The following LRP2 variants were observed in gnomAD, a reference collection of about 807,000 sequenced individuals.
The protein encoded by LRP2 is LDL receptor related protein 2.
A neutral mutation model predicts 531.0 loss-of-function variants in LRP2; 172 were observed. The ratio of observed to expected loss-of-function variants is 0.32; its 90% CI spans 0.29 to 0.37. The LOEUF is 0.37. Among genes scored for constraint, LRP2 ranks in the 10% least tolerant of loss-of-function variants. The probability of loss-of-function intolerance (pLI) is 1.00; values close to 1 mark genes in which losing one functional copy is unlikely to be tolerated. For synonymous variants in LRP2, 1,992 were observed against 2,027.6 expected, an observed-to-expected ratio of 0.98 and a Z score of 0.47; for missense variants, 5,167 against 5,868.3, an observed-to-expected ratio of 0.88 and a Z score of 3.90.
chr2:169,146,726 A>G lies in LRP2; in HGVS notation c.12811+13T>C, dbSNP rs1685927444. 1 of 1,578,882 alleles carries G rather than the reference A, an allele frequency of 6.3e-7. No individual in the cohort carries two copies. Among genetic ancestry groups the G allele is most frequent in the African/African-American group, 1.3e-5 (1 of 74,176 alleles). ...TATTAATTTAATATATTACTTTCTA[A>G]CTAATTTCTAACCTTCCTTTGCAAT... On this transcript the variant is annotated intron_variant, in intron 69 of 78. Transcript: ENST00000649046.
At chr2:169,285,419 C>T (rs748930316) in intron 9 of LRP2, among the ~76,000 whole-genome samples, 2 of 151,956 alleles carry the variant, frequency 1.3e-5, no homozygotes, top group Non-Finnish European at 2.9e-5. Context: ...AGAGTGAAGA[C>T]AAGAAAAATA....
At chr2:169,175,579 G>C (rs1687161750) in intron 54 of LRP2, among the ~76,000 whole-genome samples, 190 bp from the exon 55 acceptor site, 1 of 152,064 alleles carries the variant, frequency 6.6e-6, no homozygotes, top group African/African-American at 2.4e-5. Flanking sequence ...AGATAGAACA[G>C]GTTTCTTAAG....
intron 1 of LRP2, among the ~76,000 whole-genome samples, chr2:169,326,263 C>T (rs898676274): frequency 7.2e-4 from 106 of 146,480 alleles, no homozygotes; most frequent in Admixed American, 1.9e-3. Context: ...CCTCTGATGC[C>T]GAGCCGAAGC....
chr2:169,165,825 A>C, intron 62 of LRP2, 107 bp downstream of exon 62: 1 of 1,362,494 alleles, frequency 7.3e-7, no homozygotes. Context: ...ATCTGCAGTC[A>C]TGGGCACAAC....
In LRP2 at chr2:169,241,292, G is replaced by C. The variant is rs1317025300; in HGVS notation, c.3741C>G (p.Phe1247Leu). 1.2e-6 allele frequency: 2 copies of C among 1,614,182 alleles called. No homozygotes were observed. The highest frequency in any genetic ancestry group is 1.3e-5 in the African/African-American group (1 of 75,062). ...AGTCTGGATGCCCATCACATTCCCA[G>C]AAGTTCGGGATGCAGATACCATCTT... ...CQEDGICIPN[F>L]WECDGHPDCL... Residue 1247 changes from phenylalanine (F) to leucine (L), a missense_variant, in exon 25 of 79, where the codon TTC (phenylalanine) becomes TTG (leucine). Phe to Leu is a conservative substitution (Grantham distance 22). Coordinates refer to ENST00000649046, the MANE Select transcript of LRP2 (RefSeq NM_004525.3).
chr2:169,350,663 G>A (rs926276670), intron 1 of LRP2, among the ~76,000 whole-genome samples: 1 of 141,054 alleles, frequency 7.1e-6, no homozygotes, highest in African/African-American at 2.7e-5. Context: ...GGCAGAGGTT[G>A]CAGTGAGCCA....
intron 34 of LRP2, among the ~76,000 whole-genome samples, chr2:169,218,262 C>G (rs994541594): frequency 6.6e-6 from 1 of 152,050 alleles, no homozygotes; most frequent in African/African-American, 2.4e-5. Flanking sequence ...TTGAACAAAC[C>G]CTCAATTTTC....
Position 169,146,881 on chromosome 2 carries a change from C to T in LRP2, c.12669G>A (p.Leu4223=). 6.2e-7 allele frequency: 1 copy of T among 1,614,100 alleles called. No individual in the cohort carries two copies. The highest frequency in any genetic ancestry group is 8.5e-7 in the Non-Finnish European group (1 of 1,180,006). ...AWMNGEDRNI[L]VFEDLGWPTG... is the part of the protein sequence containing the mutation. Reference sequence around the variant, plus strand: ...TTGGCCAACCAAGGTCCTCGAAAACCAGGATGTTGCGGTCCTCTCCATTCA... The same window carrying T: ...TTGGCCAACCAAGGTCCTCGAAAACTAGGATGTTGCGGTCCTCTCCATTCA... Residue 4223 remains leucine, a synonymous_variant, in exon 69 of 79, where the codon CTG becomes CTA. Coordinates refer to ENST00000649046, the MANE Select transcript of LRP2 (RefSeq NM_004525.3).
chr2:169,301,785 C>A (rs1380606235), intron 4 of LRP2, among the ~76,000 whole-genome samples: 1 of 152,000 alleles, frequency 6.6e-6, no homozygotes. Flanking sequence ...AAAGGAATGC[C>A]CGGAATGGAC....
At chr2:169,326,949 C>A (rs1220289121) in intron 1 of LRP2, among the ~76,000 whole-genome samples, 1 of 150,906 alleles carries the variant, frequency 6.6e-6, no homozygotes, top group Non-Finnish European at 1.5e-5. Context: ...CCAGCCGCCC[C>A]GTCTGAGAAG....
At chr2:169,174,207 G>C (rs375687758) in intron 55 of LRP2, 43 bp from the exon 56 acceptor site, 2 of 1,613,220 alleles carry the variant, frequency 1.2e-6, no homozygotes, top group Admixed American at 3.3e-5. Context: ...AAGGCATCAA[G>C]AATGAAAGCT....
At chr2:169,144,515 C>T (rs138193446) in intron 70 of LRP2, among the ~76,000 whole-genome samples, 162 of 152,182 alleles carry the variant, frequency 1.1e-3, no homozygotes, top group African/African-American at 3.5e-3. Context: ...GGTCCAGAGG[C>T]GGTAGGGAGG....
chr2:169,282,790 A>C (rs1683741285), intron 10 of LRP2, 83 bp downstream of exon 10: 11 of 1,437,594 alleles, frequency 7.7e-6, no homozygotes, highest in Non-Finnish European at 1.1e-5. Flanking sequence ...AATGCTGATA[A>C]TTCTGTTGTC....
chr2:169,218,113 T>G (rs1009796728), intron 34 of LRP2, among the ~76,000 whole-genome samples: 1 of 152,182 alleles, frequency 6.6e-6, no homozygotes, highest in Admixed American at 6.6e-5. Context: ...TTATCACAAC[T>G]TTATCAAGAC....
intron 25 of LRP2, among the ~76,000 whole-genome samples, chr2:169,240,103 C>A (rs962742305): frequency 7.2e-6 from 1 of 139,064 alleles, no homozygotes; most frequent in African/African-American, 2.4e-5. Context: ...ATAGAGCATG[C>A]AAAGACACTT....
chr2:169,321,462 C>CA (rs929689152), intron 1 of LRP2, among the ~76,000 whole-genome samples: 2,633 of 117,790 alleles, frequency 0.022, 61 homozygotes, highest in African/African-American at 0.069. Flanking sequence ...GTTACATATG[C>CA]AAAAAAAAAA....
At chr2:169,328,332 G>GGGGGGGTC (rs1685171563) in intron 1 of LRP2, among the ~76,000 whole-genome samples, 2 of 140,076 alleles carry the variant, frequency 1.4e-5, no homozygotes, top group Non-Finnish European at 3.1e-5. Context: ...TCCGGGAGGT[G>GGGGGGGTC]AGGGGCGCCT....
chr2:169,325,977 T>C (rs1480692628), intron 1 of LRP2, among the ~76,000 whole-genome samples: 1 of 151,948 alleles, frequency 6.6e-6, no homozygotes, highest in Non-Finnish European at 1.5e-5. Flanking sequence ...AGACACATCA[T>C]TTAAGTGCAA....
chr2:169,267,174 G>A (rs1421113312), intron 16 of LRP2, among the ~76,000 whole-genome samples: 1 of 151,846 alleles, frequency 6.6e-6, no homozygotes, highest in African/African-American at 2.4e-5. Context: ...CTAAAATAAA[G>A]GAAAGGTGTT....
Sources: gnomAD v4.1 joint callset for allele counts (sites outside exome capture counted in the v4.1 genomes callset) on GRCh38, gnomAD v4.1.1 for gene constraint, MANE v1.5 for transcripts, NCBI Gene and HGNC (gene_info 2026-07-23, HGNC 2026-07-21) for gene names.